SLC35F4: variants seen among roughly 807,000 people sequenced by gnomAD.
SLC35F4 encodes the protein solute carrier family 35 member F4, also known as chromosome 14 open reading frame 36.
SLC35F4 carries 24 observed loss-of-function variants against 44.2 expected under a neutral mutation model. That is an observed-to-expected ratio of 0.54 (90% CI 0.39 to 0.76). The LOEUF (loss-of-function observed/expected upper bound fraction) is 0.76. Ranked by LOEUF, SLC35F4 falls within the 30% of genes least tolerant of loss-of-function variation. SLC35F4 has a pLI of 0.00. For missense variants in SLC35F4, 562 were observed against 586.1 expected, an observed-to-expected ratio of 0.96 and a Z score of 0.42; for synonymous variants, 238 against 223.6, an observed-to-expected ratio of 1.06 and a Z score of -0.57.
intron 1 of SLC35F4, among the ~76,000 whole-genome samples, chr14:57,911,289 C>T (rs1889211783): frequency 6.6e-6 from 1 of 151,598 alleles, no homozygotes; most frequent in South Asian, 2.1e-4. Flanking sequence ...CTTTACTTGC[C>T]TTATTGCATT....
chr14:57,727,146 A>G (rs1447661104), intron 1 of SLC35F4, among the ~76,000 whole-genome samples: 1 of 150,342 alleles, frequency 6.7e-6, no homozygotes, highest in African/African-American at 2.5e-5. Flanking sequence ...ACATATATAT[A>G]TATATGTATT....
chr14:57,718,353 A>G (rs571225587), intron 1 of SLC35F4, among the ~76,000 whole-genome samples: 26 of 150,248 alleles, frequency 1.7e-4, no homozygotes, highest in African/African-American at 5.9e-4. Flanking sequence ...TCTTTTGAGT[A>G]TTTACCCAGC....
chr14:57,868,579 G>A (rs1888230621), upstream of SLC35F4, among the ~76,000 whole-genome samples: 2 of 151,558 alleles, frequency 1.3e-5, no homozygotes, highest in African/African-American at 4.9e-5. Context: ...GGGTTCAAGT[G>A]ATTCTCATGC....
intron 1 of SLC35F4, among the ~76,000 whole-genome samples, chr14:57,880,067 AGG>A (rs750000995): frequency 0.066 from 8,278 of 125,828 alleles, 461 homozygotes; most frequent in African/African-American, 0.12. Flanking sequence ...GAAGGAAGGA[AGG>A]AAGGAAGGAA....
chr14:57,695,665 T>C (rs1055344116), intron 1 of SLC35F4, among the ~76,000 whole-genome samples: 7 of 152,134 alleles, frequency 4.6e-5, no homozygotes, highest in Non-Finnish European at 7.4e-5. Context: ...GCCATCCCAT[T>C]ACTGGGTATA....
At chr14:57,917,921 C>T (rs808230) in intron 1 of SLC35F4, among the ~76,000 whole-genome samples, 30,399 of 152,132 alleles carry the variant, frequency 0.2, 3,253 homozygotes, top group South Asian at 0.24. Flanking sequence ...CACACATCCC[C>T]TCCTCACCTT....
intron 1 of SLC35F4, among the ~76,000 whole-genome samples, chr14:57,697,527 C>T (rs1436575238): frequency 2.6e-5 from 4 of 151,732 alleles, no homozygotes; most frequent in African/African-American, 9.7e-5. Flanking sequence ...ATGGCAAAAC[C>T]CCATCTCTAC....
At chr14:57,732,750 A>G (rs976490955) in intron 1 of SLC35F4, among the ~76,000 whole-genome samples, 23 of 152,156 alleles carry the variant, frequency 1.5e-4, no homozygotes, top group African/African-American at 5.5e-4. Flanking sequence ...TTATAGTTGG[A>G]AGGAAGATCT....
chr14:57,967,218 T>C (rs1880899663), intron 1 of SLC35F4, among the ~76,000 whole-genome samples: 1 of 152,162 alleles, frequency 6.6e-6, no homozygotes, highest in Admixed American at 6.5e-5. Context: ...AAGAAGACAA[T>C]TTTAAGGAAA....
intron 1 of SLC35F4, among the ~76,000 whole-genome samples, chr14:57,724,658 C>T (rs188597312): frequency 3.3e-5 from 5 of 152,164 alleles, no homozygotes; most frequent in East Asian, 1.9e-4. Context: ...ATTCTCCCCC[C>T]CAGCCTGCAC....
intron 1 of SLC35F4, among the ~76,000 whole-genome samples, chr14:57,842,858 C>T (rs1395044359): frequency 6.6e-6 from 1 of 151,996 alleles, no homozygotes; most frequent in African/African-American, 2.4e-5. Flanking sequence ...AGAGAGAGAC[C>T]CACCCTCAAT....
intron 1 of SLC35F4, among the ~76,000 whole-genome samples, chr14:57,720,979 C>CAAATATAT: frequency 2.0e-5 from 1 of 49,804 alleles, no homozygotes; most frequent in South Asian, 1.1e-3. Flanking sequence ...ATAAACTCCT[C>CAAATATAT]ATATATATAT....
At chr14:57,717,592 C>T (rs997378912) in intron 1 of SLC35F4, among the ~76,000 whole-genome samples, 3 of 152,128 alleles carry the variant, frequency 2.0e-5, no homozygotes, top group Non-Finnish European at 2.9e-5. Context: ...GCCGAGATCG[C>T]GCCACTGCAC....
At chr14:57,852,270 G>A (rs1440638109) in intron 1 of SLC35F4, among the ~76,000 whole-genome samples, 1 of 152,124 alleles carries the variant, frequency 6.6e-6, no homozygotes, top group African/African-American at 2.4e-5. Flanking sequence ...GGCCAGACAG[G>A]TCACACCACC....
intron 1 of SLC35F4, among the ~76,000 whole-genome samples, chr14:57,806,950 T>C (rs1881398273): frequency 6.6e-6 from 1 of 152,218 alleles, no homozygotes; most frequent in Non-Finnish European, 1.5e-5. Flanking sequence ...AAATGTGACA[T>C]GCAATCCCAT....
intron 4 of SLC35F4, among the ~76,000 whole-genome samples, chr14:57,576,238 C>CTGAT (rs543615156): frequency 8.7e-4 from 132 of 152,294 alleles, no homozygotes; most frequent in African/African-American, 3.2e-3. Context: ...GTCAAGATGA[C>CTGAT]TGATTATAAT....
chr14:57,772,623 G>A lies in SLC35F4; in HGVS notation c.103+93100C>T, dbSNP rs560537498. Among the ~76,000 whole-genome samples the A allele has an allele frequency of 4.6e-5, 7 of 152,224 alleles. No homozygotes were observed. The South Asian group carries it at 1.4e-3, about 32-fold the overall frequency. Reference sequence around the variant, plus strand: ...TTATAAGTGAGGACATGTAGTATTTGATTTCGGGCTTTTGAGTTAGTTCAC... The same window carrying A: ...TTATAAGTGAGGACATGTAGTATTTAATTTCGGGCTTTTGAGTTAGTTCAC... On this transcript the variant is annotated intron_variant, in intron 1 of 7. Transcript: ENST00000556826.
chr14:57,716,195 T>A (rs984214117), intron 1 of SLC35F4, among the ~76,000 whole-genome samples: 2 of 152,134 alleles, frequency 1.3e-5, no homozygotes, highest in Non-Finnish European at 2.9e-5. Flanking sequence ...ATGGACTCTG[T>A]CTCAACTTAA....
intron 1 of SLC35F4, among the ~76,000 whole-genome samples, chr14:57,704,717 C>G: frequency 6.6e-6 from 1 of 152,180 alleles, no homozygotes; most frequent in East Asian, 1.9e-4. Context: ...TAAATTTAGG[C>G]CTCTGTGCAA....
Sources: allele counts gnomAD v4.1 joint callset (sites outside exome capture counted in the v4.1 genomes callset), GRCh38; gene constraint gnomAD v4.1.1; transcripts MANE v1.5; gene names NCBI Gene and HGNC (gene_info 2026-07-23, HGNC 2026-07-21).